KIAA0825: variants seen among roughly 807,000 people sequenced by gnomAD.
KIAA0825 encodes the protein uncharacterized protein KIAA0825.
A neutral mutation model predicts 147.6 loss-of-function variants in KIAA0825; 119 were observed. That is an observed-to-expected ratio of 0.81 (90% CI 0.69 to 0.94). The LOEUF (loss-of-function observed/expected upper bound fraction) is 0.94, where lower values mean the gene tolerates loss of function less well. Ranked by LOEUF, KIAA0825 falls within the 40% of genes least tolerant of loss-of-function variation. The pLI, the probability that KIAA0825 is intolerant of heterozygous loss-of-function variation, is 0.00. For synonymous variants in KIAA0825, 470 were observed against 518.1 expected, an observed-to-expected ratio of 0.91 and a Z score of 1.26; for missense variants, 1,381 against 1,472.7, an observed-to-expected ratio of 0.94 and a Z score of 1.02.
At chr5:94,507,232 G>A (rs1765848389) in intron 5 of KIAA0825, among the ~76,000 whole-genome samples, 1 of 152,170 alleles carries the variant, frequency 6.6e-6, no homozygotes, top group Non-Finnish European at 1.5e-5. Context: ...AGCAGATCAT[G>A]AGGTCAGGAG....
chr5:94,545,491 G>A (rs1774172142), intron 2 of KIAA0825, among the ~76,000 whole-genome samples: 1 of 152,104 alleles, frequency 6.6e-6, no homozygotes, highest in Non-Finnish European at 1.5e-5. Flanking sequence ...GAGTAAAGAG[G>A]ACTTTGTCTT....
intron 15 of KIAA0825, among the ~76,000 whole-genome samples, chr5:94,407,124 G>T (rs1942571493): frequency 6.6e-6 from 1 of 152,146 alleles, no homozygotes; most frequent in African/African-American, 2.4e-5. Flanking sequence ...GAGGAATTTT[G>T]AATATCTCTG....
At chr5:94,529,015 A>G (rs1769977761) in intron 3 of KIAA0825, among the ~76,000 whole-genome samples, 1 of 151,730 alleles carries the variant, frequency 6.6e-6, no homozygotes, top group Non-Finnish European at 1.5e-5. Flanking sequence ...TGGGAATCCT[A>G]AGAGATATGG....
At chr5:94,517,328 T>C (rs1223128537) in intron 5 of KIAA0825, among the ~76,000 whole-genome samples, 1 of 152,164 alleles carries the variant, frequency 6.6e-6, no homozygotes, top group Non-Finnish European at 1.5e-5. Flanking sequence ...TATAAAAGGC[T>C]GTTGAGAAGG....
chr5:94,569,059 C>A, intron 2 of KIAA0825: 1 of 169,482 alleles, frequency 5.9e-6, no homozygotes, highest in South Asian at 1.8e-4. Context: ...AGGATCCTCC[C>A]GAATCAATGC....
intron 20 of KIAA0825, among the ~76,000 whole-genome samples, chr5:94,340,073 G>C (rs1287214381): frequency 2.0e-5 from 3 of 151,988 alleles, no homozygotes; most frequent in Non-Finnish European, 4.4e-5. Context: ...TAAAATGTTT[G>C]GTTGAGTTAA....
At chr5:94,307,870 A>G (rs556900286) in intron 20 of KIAA0825, among the ~76,000 whole-genome samples, 3 of 151,886 alleles carry the variant, frequency 2.0e-5, no homozygotes, top group Admixed American at 1.3e-4. Flanking sequence ...CATTCCTCCT[A>G]TCATTTTTAG....
chr5:94,546,284 G>A (rs193119320), intron 2 of KIAA0825, among the ~76,000 whole-genome samples: 1 of 152,162 alleles, frequency 6.6e-6, no homozygotes, highest in Non-Finnish European at 1.5e-5. Context: ...CCTACAGCGT[G>A]GGGGAACTTA....
chr5:94,279,338 T>A (rs956786900), intron 20 of KIAA0825, among the ~76,000 whole-genome samples: 1 of 152,132 alleles, frequency 6.6e-6, no homozygotes, highest in East Asian at 1.9e-4. Context: ...CTCATGGTCT[T>A]GATTTTGCTC....
At position 94,386,195 on chromosome 5, in the gene KIAA0825, G is replaced by T. The variant is rs750176010; in HGVS notation, c.3619+47C>A. ...ACACAAAGCAATTTTTTCTTACTTG[G>T]GTAAAGAAACCACACATTTAAATTA... On this transcript the variant is annotated intron_variant, in intron 19 of 20. Coordinates refer to ENST00000682413, the MANE Select transcript of KIAA0825 (RefSeq NM_001145678.3). 1.2e-5 allele frequency: 18 copies of T among 1,493,536 alleles called. No homozygotes were observed. In the East Asian group the frequency reaches 3.5e-4, roughly 29 times the overall value. 92.5% of individuals were successfully genotyped at this position (1,493,536 alleles called of 1,614,324 possible). A position where few individuals can be genotyped will look rare whatever the true frequency, so the allele number is the denominator to read the frequency against.
intron 1 of KIAA0825, among the ~76,000 whole-genome samples, chr5:94,617,456 T>C (rs1044750230): frequency 7.2e-5 from 11 of 152,188 alleles, no homozygotes; most frequent in Admixed American, 5.9e-4. Context: ...GGGCCTTGAA[T>C]TGAACATATT....
At position 94,395,712 on chromosome 5, in the gene KIAA0825, C is replaced by T. The variant is rs185873344; in HGVS notation, c.3296+389G>A. Among the ~76,000 whole-genome samples the T allele has an allele frequency of 1.6e-4, 24 of 152,184 alleles. No individual in the cohort carries two copies. In the East Asian group the frequency reaches 4.3e-3, roughly 27 times the overall value. ...AAAGCAATAAAAAGCCTTTTATATC[C>T]GTTAATTCCTTCTTAATTTAATCTC... On this transcript the variant is annotated intron_variant, in intron 17 of 20. Transcript: ENST00000682413.
chr5:94,187,903 G>A (rs1417435783), intron 20 of KIAA0825, among the ~76,000 whole-genome samples: 4 of 152,144 alleles, frequency 2.6e-5, no homozygotes, highest in Admixed American at 6.5e-5. Context: ...CTGGATGTTT[G>A]TATTCCTCCA....
At chr5:94,262,682 G>T (rs1001435245) in intron 20 of KIAA0825, among the ~76,000 whole-genome samples, 1 of 152,074 alleles carries the variant, frequency 6.6e-6, no homozygotes, top group African/African-American at 2.4e-5. Flanking sequence ...TAAGACAACA[G>T]TTCGTTCGAT....
At chr5:94,230,098 T>C (rs1378610850) in intron 20 of KIAA0825, among the ~76,000 whole-genome samples, 1 of 152,040 alleles carries the variant, frequency 6.6e-6, no homozygotes, top group African/African-American at 2.4e-5. Context: ...AATTGAGGGG[T>C]TTCACTGGAG....
chr5:94,400,316 T>C (rs951742382), intron 16 of KIAA0825, among the ~76,000 whole-genome samples: 3 of 152,170 alleles, frequency 2.0e-5, no homozygotes, highest in African/African-American at 4.8e-5. Flanking sequence ...GAAAATCCTA[T>C]TTCTAAATTC....
chr5:94,571,653 C>G (rs942879093), intron 2 of KIAA0825, among the ~76,000 whole-genome samples: 1 of 152,180 alleles, frequency 6.6e-6, no homozygotes, highest in Non-Finnish European at 1.5e-5. Flanking sequence ...ATGTTGCTGC[C>G]TCTTTCACAG....
intron 3 of KIAA0825, among the ~76,000 whole-genome samples, chr5:94,535,986 A>G (rs1771928110): frequency 6.6e-6 from 1 of 152,134 alleles, no homozygotes; most frequent in Non-Finnish European, 1.5e-5. Context: ...ATTCCCTTCC[A>G]TTTTTGCAAG....
At chr5:94,495,481 A>G (rs147368358) in intron 5 of KIAA0825, among the ~76,000 whole-genome samples, 278 of 152,298 alleles carry the variant, frequency 1.8e-3, no homozygotes, top group African/African-American at 6.4e-3. Context: ...ATAAAGATTT[A>G]CTTTGTGCCT....
Sources: allele counts gnomAD v4.1 joint callset (sites outside exome capture counted in the v4.1 genomes callset), GRCh38; gene constraint gnomAD v4.1.1; transcripts MANE v1.5; gene names NCBI Gene and HGNC (gene_info 2026-07-23, HGNC 2026-07-21).